The following MYL10 variants were observed in gnomAD, a reference collection of about 807,000 sequenced individuals.
The protein encoded by MYL10 is myosin light chain 10, also known as myosin regulatory light chain 10.
A neutral mutation model predicts 21.9 loss-of-function variants in MYL10; 18 were observed. That is an observed-to-expected ratio of 0.82 (90% confidence interval 0.57 to 1.22). MYL10 has a LOEUF of 1.22. Among genes scored for constraint, MYL10 ranks in the 50% most tolerant of loss-of-function variants. MYL10 has a pLI of 0.00. For missense variants in MYL10, 225 were observed against 230.4 expected (o/e 0.98, Z 0.15); for synonymous variants, 88 against 82.8 (o/e 1.06, Z -0.34).
At chr7:101,614,753 T>TGAGAATGTGTGAGAC (rs917216278) in intron 6 of MYL10, among the ~76,000 whole-genome samples, 1 of 152,112 alleles carries the variant, frequency 6.6e-6, no homozygotes, top group African/African-American at 2.4e-5. Context: ...GTCTTGGAGT[T>TGAGAATGTGTGAGAC]GAGAATGTGT....
intron 1 of MYL10, among the ~76,000 whole-genome samples, chr7:101,626,578 G>A (rs1796748916): frequency 6.6e-6 from 1 of 152,200 alleles, no homozygotes; most frequent in South Asian, 2.1e-4. Context: ...CAGGAACCCA[G>A]AGCAAGCCCT....
rs750017494 is a variant in MYL10 at position 101,616,311 on chromosome 7, C to T, written c.455-13G>A. The T allele has an allele frequency of 3.1e-6, 5 of 1,610,186 alleles. No homozygotes were observed. The highest frequency in any genetic ancestry group is 1.3e-5 in the African/African-American group (1 of 74,830). ...TCTGGGTCCGTGCCTATAAGCAGCA[C>T]ATACAGGGCAGGGAGAGAGGCAGGT... On this transcript the variant is annotated splice_polypyrimidine_tract_variant and intron_variant, in intron 5 of 7. Transcript: ENST00000223167.
At position 101,624,365 on chromosome 7, in the gene MYL10, G is replaced by A. The variant is rs78339279; in HGVS notation, c.79-101C>T. 179 of 829,794 alleles carry A rather than the reference G, an allele frequency of 2.2e-4. 1 individual carries two copies. In the African/African-American group the frequency reaches 2.6e-3, roughly 12 times the overall value. The allele number at this position is 829,794 out of a possible 1,614,324, so 51.4% of individuals were successfully genotyped here. On this transcript the variant is annotated intron_variant, in intron 1 of 7. Coordinates refer to ENST00000223167, the MANE Select transcript of MYL10 (RefSeq NM_138403.5). The stretch of plus-strand genomic sequence containing the variant: ...GGGCATCACGGTCCAGAATGACACC[G>A]CTTTGCCCTTCCCGGTGCCTACAGC...
intron 4 of MYL10, 151 bp downstream of exon 4, chr7:101,622,846 C>T: frequency 1.5e-6 from 1 of 654,044 alleles, no homozygotes; most frequent in Non-Finnish European, 2.6e-6. Context: ...GAAGGTCCCC[C>T]CCTGACTTTC....
At position 101,613,484 on chromosome 7, in the gene MYL10, C is replaced by T. The variant is rs1796572608; in HGVS notation, c.672G>A (p.Glu224=). The change falls in exon 8 of 8, where the codon GAG becomes GAA. Residue 224 remains glutamate (E), a synonymous_variant. Transcript: ENST00000223167. The part of the protein sequence containing the change: ...NLCYVITHGE[E]KD ...GGAGACTTGTGATCCCCTAATCCTT[C>T]TCTTCACCGTGAGTGATGACGTAGC... is the stretch of plus-strand genomic sequence containing the variant. 1 of 1,613,948 alleles carries T rather than the reference C, an allele frequency of 6.2e-7. No individual in the cohort carries two copies. Among genetic ancestry groups the T allele is most frequent in the Non-Finnish European group, 8.5e-7 (1 of 1,179,788 alleles).
intron 5 of MYL10, 111 bp from the exon 6 acceptor site, chr7:101,616,409 C>T (rs755297614): frequency 1.2e-5 from 9 of 734,534 alleles, no homozygotes; most frequent in Non-Finnish European, 2.1e-5. Flanking sequence ...ACGGCCCCTG[C>T]ACAGAGGCAC....
At chr7:101,614,265 C>T (rs182915973) in intron 6 of MYL10, among the ~76,000 whole-genome samples, 5 of 152,310 alleles carry the variant, frequency 3.3e-5, no homozygotes, top group Non-Finnish European at 5.9e-5. Context: ...TGGGATCAGA[C>T]GGCTGAGTGG....
In MYL10 at chr7:101,624,025, T is replaced by TCAAA. The variant is rs530352882; in HGVS notation, c.172-8_172-5dup. ...GCCTGGGCGACAGAGCCAGACTCTGTCAAACAAACAAATAATAATAATAAT... is the reference window on the plus strand; with the variant it reads ...GCCTGGGCGACAGAGCCAGACTCTGTCAAACAAACAAACAAATAATAATAATAAT... On this transcript the variant is annotated splice_polypyrimidine_tract_variant and splice_region_variant and intron_variant, in intron 2 of 7. Transcript: ENST00000223167. 3 of 639,640 alleles carry TCAAA rather than the reference T, an allele frequency of 4.7e-6. No individual in the cohort carries two copies. The African/African-American group carries it at 5.5e-5, about 12-fold the overall frequency. The allele number at this position is 639,640 out of a possible 1,614,324, so 39.6% of individuals were successfully genotyped here.
At chr7:101,615,308 G>C (rs1796596298) in intron 6 of MYL10, among the ~76,000 whole-genome samples, 1 of 151,998 alleles carries the variant, frequency 6.6e-6, no homozygotes, top group South Asian at 2.1e-4. Context: ...CCATCTCGAC[G>C]GCCATGACCC....
intron 2 of MYL10, 39 bp downstream of exon 2, chr7:101,624,133 A>C (rs779396393): frequency 1.5e-6 from 2 of 1,357,760 alleles, no homozygotes; most frequent in Admixed American, 1.8e-5. Context: ...CATGCATTCC[A>C]AGAATCCTCA....
chr7:101,621,373 T>A (rs1796675595), intron 5 of MYL10, among the ~76,000 whole-genome samples: 1 of 152,036 alleles, frequency 6.6e-6, no homozygotes, highest in South Asian at 2.1e-4. Flanking sequence ...GGGGCTCCAG[T>A]GACCACAGAA....
At chr7:101,618,946 C>T (rs972283310) in intron 5 of MYL10, among the ~76,000 whole-genome samples, 2 of 152,196 alleles carry the variant, frequency 1.3e-5, no homozygotes, top group Non-Finnish European at 2.9e-5. Flanking sequence ...GACAGAGTCC[C>T]CTCCCCTTCC....
intron 5 of MYL10, among the ~76,000 whole-genome samples, chr7:101,618,047 C>A (rs1796629528): frequency 6.6e-6 from 1 of 152,288 alleles, no homozygotes; most frequent in African/African-American, 2.4e-5. Context: ...TGTGCCTCCC[C>A]CATCGGACTA....
At chr7:101,626,184 C>T (rs893894008) in intron 1 of MYL10, among the ~76,000 whole-genome samples, 2 of 152,228 alleles carry the variant, frequency 1.3e-5, no homozygotes, top group Non-Finnish European at 2.9e-5. Context: ...TTAAGAAATT[C>T]ACTTGTCTTC....
At chr7:101,626,437 G>A (rs1796747568) in intron 1 of MYL10, among the ~76,000 whole-genome samples, 1 of 152,146 alleles carries the variant, frequency 6.6e-6, no homozygotes, top group Non-Finnish European at 1.5e-5. Flanking sequence ...CCCTCGGGCA[G>A]TCAGGAGGTG....
intron 6 of MYL10, among the ~76,000 whole-genome samples, chr7:101,615,307 C>T (rs533243772): frequency 5.3e-5 from 8 of 152,152 alleles, no homozygotes; most frequent in African/African-American, 9.6e-5. Flanking sequence ...TCCATCTCGA[C>T]GGCCATGACC....
intron 5 of MYL10, among the ~76,000 whole-genome samples, chr7:101,619,844 C>T (rs1253054388): frequency 7.0e-6 from 1 of 143,782 alleles, no homozygotes; most frequent in Non-Finnish European, 1.5e-5. Context: ...AAGCCAAGAT[C>T]ACACCACTGC....
At position 101,622,183 on chromosome 7, in the gene MYL10, T is replaced by C. The variant is rs1040535372; in HGVS notation, c.367A>G (p.Asn123Asp). Residue 123 changes from asparagine (N) to aspartate (D), a missense_variant, in exon 5 of 8, where the codon AAC (asparagine) becomes GAC (aspartate). Asn to Asp is a conservative substitution (Grantham distance 23). Coordinates refer to ENST00000223167, the MANE Select transcript of MYL10 (RefSeq NM_138403.5). ...TTCACCATGGCCTCCAGTTCCTCGT[T>C]CTTGACATTGATGCGGCCTGTGGGA... The part of the protein sequence containing the change: ...FAALGRINVK[N>D]EELEAMVKEA... The C allele has an allele frequency of 6.2e-7, 1 of 1,612,858 alleles. No individual in the cohort carries two copies. Among genetic ancestry groups the C allele is most frequent in the Non-Finnish European group, 8.5e-7 (1 of 1,179,396 alleles).
At position 101,622,247 on chromosome 7, in the gene MYL10, G is replaced by C. The variant is rs376203541; in HGVS notation, c.350-47C>G. On this transcript the variant is annotated intron_variant, in intron 4 of 7. Transcript: ENST00000223167. ...GGCAGGGAGGATAAGAGAGATCAGA[G>C]CTTGGGCCTCGGAGGATCCCACAAA... 40 of 1,458,710 alleles carry C rather than the reference G, an allele frequency of 2.7e-5. No individual in the cohort carries two copies. In the Middle Eastern group the frequency reaches 7.1e-4, roughly 26 times the overall value. 90.4% of individuals were successfully genotyped at this position (1,458,710 alleles called of 1,614,324 possible).
Sources: allele counts gnomAD v4.1 joint callset (sites outside exome capture counted in the v4.1 genomes callset), GRCh38; gene constraint gnomAD v4.1.1; transcripts MANE v1.5; gene names NCBI Gene and HGNC (gene_info 2026-07-23, HGNC 2026-07-21).